SLCO5A1: variants seen among roughly 807,000 people sequenced by gnomAD.
SLCO5A1 encodes organic anion transporter polypeptide-related protein 4.
In SLCO5A1, 39 loss-of-function variants were observed where a neutral mutation model predicts 65.1. The observed-to-expected ratio is 0.60, with a 90% CI of 0.46 to 0.78. SLCO5A1 has a LOEUF of 0.78. SLCO5A1 is among the 30% of genes least tolerant of loss of function. SLCO5A1 has a pLI of 0.00. For missense variants in SLCO5A1, 1,029 were observed against 1,069.4 expected, an observed-to-expected ratio of 0.96 and a Z score of 0.53; for synonymous variants, 438 against 415.7, an observed-to-expected ratio of 1.05 and a Z score of -0.65.
At chr8:69,741,038 G>A (rs1476111095) in intron 4 of SLCO5A1, among the ~76,000 whole-genome samples, 1 of 152,210 alleles carries the variant, frequency 6.6e-6, no homozygotes, top group East Asian at 1.9e-4. Context: ...ATTCCCAGCT[G>A]AGGTGGAACA....
chr8:69,710,077 G>T (rs570215983), intron 5 of SLCO5A1, among the ~76,000 whole-genome samples: 1 of 149,284 alleles, frequency 6.7e-6, no homozygotes, highest in East Asian at 2.0e-4. Flanking sequence ...AGAGTGCAGT[G>T]GTGTGAGCTC....
chr8:69,800,770 C>T (rs1819699042), intron 2 of SLCO5A1, among the ~76,000 whole-genome samples: 1 of 152,140 alleles, frequency 6.6e-6, no homozygotes, highest in Non-Finnish European at 1.5e-5. Context: ...CTTCTGATTC[C>T]AGAACCCAGG....
chr8:69,758,730 A>G (rs193029536), intron 3 of SLCO5A1, among the ~76,000 whole-genome samples: 117 of 152,332 alleles, frequency 7.7e-4, no homozygotes, highest in Non-Finnish European at 1.4e-3. Flanking sequence ...AACACATCAT[A>G]TAATAATGAT....
Position 69,673,232 on chromosome 8 carries a change from C to G in SLCO5A1, c.2184G>C (p.Glu728Asp). ...CAAAACGAAACGACGTCACGTTGTA[C>G]TCCCAGCAAGAACCCTGCACACCAC... ...QECGVQGSCW[E>D]YNVTSFRFVY... Residue 728 changes from glutamate (E) to aspartate (D), a missense_variant, in exon 10 of 10, where the codon GAG (glutamate) becomes GAC (aspartate). This residue lies in a region of SLCO5A1 where 258 missense variants were observed against 237.4 expected (regional missense o/e 1.09). Coordinates refer to ENST00000260126, the MANE Select transcript of SLCO5A1 (RefSeq NM_030958.3). The G allele has an allele frequency of 6.2e-7, 1 of 1,614,234 alleles. No homozygotes were observed. The highest frequency in any genetic ancestry group is 8.5e-7 in the Non-Finnish European group (1 of 1,180,048).
intron 7 of SLCO5A1, among the ~76,000 whole-genome samples, chr8:69,680,813 C>A (rs1586675513): frequency 6.6e-6 from 1 of 152,114 alleles, no homozygotes; most frequent in Non-Finnish European, 1.5e-5. Flanking sequence ...GAAGAGCAAC[C>A]AGCTCCATGG....
At chr8:69,718,281 T>G (rs1332801994) in intron 5 of SLCO5A1, among the ~76,000 whole-genome samples, 3 of 152,224 alleles carry the variant, frequency 2.0e-5, no homozygotes, top group Admixed American at 2.0e-4. Context: ...GTTCTAATAG[T>G]TTTTATAATT....
intron 2 of SLCO5A1, among the ~76,000 whole-genome samples, chr8:69,776,150 G>A (rs1258955520): frequency 6.6e-6 from 1 of 152,156 alleles, no homozygotes; most frequent in Non-Finnish European, 1.5e-5. Context: ...CTGGTACAAA[G>A]TCACACGATC....
intron 5 of SLCO5A1, among the ~76,000 whole-genome samples, chr8:69,731,004 T>C (rs1182475766): frequency 2.0e-5 from 3 of 151,840 alleles, no homozygotes; most frequent in Non-Finnish European, 4.4e-5. Flanking sequence ...AATTGCAATT[T>C]TTTTTTTTTT....
rs569097997 is a variant in SLCO5A1 at position 69,677,102 on chromosome 8, G to A, written c.2025-429C>T. Reference sequence around the variant, plus strand: ...TTCCAGAGTGGTAGATGCATACATTGAAAATTACTCCAATAATTCTTCCAA... The same window carrying A: ...TTCCAGAGTGGTAGATGCATACATTAAAAATTACTCCAATAATTCTTCCAA... On this transcript the variant is annotated intron_variant, in intron 8 of 9. Transcript: ENST00000260126. Among the ~76,000 whole-genome samples the A allele has an allele frequency of 2.0e-5, 3 of 152,052 alleles. No homozygotes were observed. In the East Asian group the frequency reaches 5.8e-4, roughly 29 times the overall value.
intron 5 of SLCO5A1, among the ~76,000 whole-genome samples, chr8:69,733,773 T>C (rs969337663): frequency 1.3e-5 from 2 of 152,204 alleles, no homozygotes; most frequent in African/African-American, 4.8e-5. Flanking sequence ...GCCCTGACTG[T>C]AAGTTTCCTG....
At position 69,832,435 on chromosome 8, in the gene SLCO5A1, G is replaced by A. The variant is rs903584440; in HGVS notation, c.239C>T (p.Ala80Val). The change falls in exon 2 of 10, where the codon GCC (alanine) becomes GTC (valine). Residue 80 changes from alanine (A) to valine (V), a missense_variant. This residue lies in a region of SLCO5A1 where 647 missense variants were observed against 647.5 expected (regional missense o/e 1.00). Transcript: ENST00000260126. The surrounding 1 kb of genome is among the most constrained non-coding windows in gnomAD (Gnocchi z 4.5). ...QELKQGPNPLAPSPSAPSTSA... is the reference protein window; with the variant it reads ...QELKQGPNPLVPSPSAPSTSA... ...AGTGGACGGGGCAGAGGGACTGGGG[G>A]CCAACGGGTTCGGGCCTTGCTTCAA... 1.2e-6 allele frequency: 2 copies of A among 1,612,980 alleles called. No homozygotes were observed. Among genetic ancestry groups the A allele is most frequent in the African/African-American group, 1.3e-5 (1 of 74,882 alleles).
intron 2 of SLCO5A1, among the ~76,000 whole-genome samples, chr8:69,822,502 T>C (rs1452921844): frequency 6.6e-6 from 1 of 152,238 alleles, no homozygotes; most frequent in Non-Finnish European, 1.5e-5. Flanking sequence ...TGCTCTCCTA[T>C]ACAATGTTTT....
intron 2 of SLCO5A1, among the ~76,000 whole-genome samples, chr8:69,805,205 C>T (rs1165465199): frequency 6.6e-6 from 1 of 152,100 alleles, no homozygotes; most frequent in Non-Finnish European, 1.5e-5. Flanking sequence ...CAGCCACTAG[C>T]CTACTGGACA....
chr8:69,761,221 C>T (rs1177891517), intron 3 of SLCO5A1: 2 of 157,162 alleles, frequency 1.3e-5, no homozygotes, highest in East Asian at 3.8e-4. Flanking sequence ...AGTTACCACA[C>T]ACTTCGTGGC....
intron 2 of SLCO5A1, among the ~76,000 whole-genome samples, chr8:69,824,272 A>T (rs1228436928): frequency 6.6e-6 from 1 of 152,142 alleles, no homozygotes; most frequent in African/African-American, 2.4e-5. Context: ...GAAATAACTA[A>T]AATCAGAGCA....
chr8:69,676,408 GT>G (rs1309498974), intron 9 of SLCO5A1, among the ~76,000 whole-genome samples, 200 bp downstream of exon 9: 2 of 152,114 alleles, frequency 1.3e-5, no homozygotes. Context: ...CCTAACGTTG[GT>G]TTTGTTTTGT....
At chr8:69,751,419 T>C (rs1664859787) in intron 4 of SLCO5A1, among the ~76,000 whole-genome samples, 1 of 152,216 alleles carries the variant, frequency 6.6e-6, no homozygotes, top group African/African-American at 2.4e-5. Flanking sequence ...AATAAGAGTA[T>C]GAAAACACTG....
At chr8:69,711,883 T>G (rs61430339) in intron 5 of SLCO5A1, among the ~76,000 whole-genome samples, 15,767 of 131,850 alleles carry the variant, frequency 0.12, 979 homozygotes, top group African/African-American at 0.2. Context: ...TTAACAAGCA[T>G]GAATTTCATT....
intron 8 of SLCO5A1, 107 bp downstream of exon 8, chr8:69,679,271 A>G (rs886965668): frequency 1.3e-6 from 2 of 1,483,258 alleles, no homozygotes; most frequent in Non-Finnish European, 1.8e-6. Context: ...TGCACATGCT[A>G]ATTTTGCTTT....
Sources: gnomAD v4.1 joint callset for allele counts (sites outside exome capture counted in the v4.1 genomes callset) on GRCh38, gnomAD v4.1.1 for gene constraint, gnomAD v4.1.1 regional missense constraint, Gnocchi (gnomAD v3.1) non-coding constraint, MANE v1.5 for transcripts, NCBI Gene and HGNC (gene_info 2026-07-23, HGNC 2026-07-21) for gene names.